RABGAP1L: variants seen among roughly 807,000 people sequenced by gnomAD.
RABGAP1L encodes the protein RAB GTPase activating protein 1 like.
In RABGAP1L, 63 loss-of-function variants were observed where a neutral mutation model predicts 137.7. That is an observed-to-expected ratio of 0.46 (90% CI 0.37 to 0.56). The LOEUF (loss-of-function observed/expected upper bound fraction) is 0.56, where lower values mean the gene tolerates loss of function less well. Ranked by LOEUF, RABGAP1L falls within the 20% of genes least tolerant of loss-of-function variation. RABGAP1L has a pLI of 0.00. For missense variants in RABGAP1L, 1,095 were observed against 1,244.0 expected, an observed-to-expected ratio of 0.88 and a Z score of 1.80; for synonymous variants, 431 against 433.7, an observed-to-expected ratio of 0.99 and a Z score of 0.08.
At chr1:174,604,843 C>T (rs542193854) in intron 13 of RABGAP1L, among the ~76,000 whole-genome samples, 3 of 152,224 alleles carry the variant, frequency 2.0e-5, no homozygotes, top group African/African-American at 7.2e-5. Flanking sequence ...AATGTTTCAT[C>T]AAAACTCTTG....
chr1:174,696,370 C>T (rs1679261538), intron 15 of RABGAP1L, among the ~76,000 whole-genome samples: 2 of 152,022 alleles, frequency 1.3e-5, no homozygotes, highest in African/African-American at 4.8e-5. Flanking sequence ...AGTATAGCCA[C>T]TCTTACTTTT....
intron 19 of RABGAP1L, among the ~76,000 whole-genome samples, chr1:174,944,286 A>AAAAAAAAAAAAAAAAAAAAAAAG: frequency 6.6e-6 from 1 of 151,152 alleles, no homozygotes; most frequent in Non-Finnish European, 1.5e-5. Flanking sequence ...AAAAAAAAAA[A>AAAAAAAAAAAAAAAAAAAAAAAG]AAAAAAAAAG....
At chr1:174,842,462 G>A (rs1573455790) in intron 19 of RABGAP1L, among the ~76,000 whole-genome samples, 1 of 152,162 alleles carries the variant, frequency 6.6e-6, no homozygotes, top group East Asian at 1.9e-4. Flanking sequence ...CTCCCCAGGA[G>A]CCTGTTTCTC....
chr1:174,745,191 C>A (rs998648390), intron 17 of RABGAP1L, among the ~76,000 whole-genome samples: 7 of 152,136 alleles, frequency 4.6e-5, no homozygotes, highest in African/African-American at 1.7e-4. Context: ...GTTCTCCAGG[C>A]CTTCTTTTGA....
intron 19 of RABGAP1L, among the ~76,000 whole-genome samples, chr1:174,839,284 C>A (rs1034583959): frequency 4.6e-5 from 7 of 152,140 alleles, no homozygotes; most frequent in Admixed American, 4.6e-4. Context: ...ACCTTTGTTC[C>A]TTATTTTCAT....
chr1:174,496,781 C>G (rs1055381972), intron 13 of RABGAP1L, among the ~76,000 whole-genome samples: 1 of 152,076 alleles, frequency 6.6e-6, no homozygotes, highest in African/African-American at 2.4e-5. Flanking sequence ...TAGAGAGATT[C>G]CTTAAAGAAG....
intron 13 of RABGAP1L, among the ~76,000 whole-genome samples, chr1:174,530,790 TATACATACATACATACATAC>T (rs79486666): frequency 2.7e-5 from 4 of 146,424 alleles, no homozygotes; most frequent in Non-Finnish European, 6.0e-5. Flanking sequence ...CCAAGATTTT[TATACATACATACATACATAC>T]ATACATACAT....
At chr1:174,291,506 C>T (rs1676602604) in intron 10 of RABGAP1L, among the ~76,000 whole-genome samples, 1 of 152,026 alleles carries the variant, frequency 6.6e-6, no homozygotes, top group African/African-American at 2.4e-5. Context: ...CCTATATTTG[C>T]TGGGAGAATT....
intron 13 of RABGAP1L, among the ~76,000 whole-genome samples, chr1:174,435,653 CT>C (rs201387438): frequency 5.9e-5 from 9 of 151,682 alleles, no homozygotes; most frequent in African/African-American, 7.3e-5. Flanking sequence ...GATCTTAACT[CT>C]TTTTTTTATT....
At chr1:174,932,070 G>A (rs1663927015) in intron 19 of RABGAP1L, among the ~76,000 whole-genome samples, 1 of 134,440 alleles carries the variant, frequency 7.4e-6, no homozygotes, top group East Asian at 2.2e-4. Context: ...TATACCTTGA[G>A]CTCTGAATGA....
At chr1:174,396,130 A>G (rs571300987) in intron 13 of RABGAP1L, among the ~76,000 whole-genome samples, 117 of 152,256 alleles carry the variant, frequency 7.7e-4, no homozygotes, top group Admixed American at 1.7e-3. Context: ...ACCTATAGAG[A>G]CAGAAAGTAG....
chr1:174,807,755 G>A (rs1689453177), intron 18 of RABGAP1L, among the ~76,000 whole-genome samples: 1 of 152,016 alleles, frequency 6.6e-6, no homozygotes, highest in Non-Finnish European at 1.5e-5. Flanking sequence ...CAGCCCATAA[G>A]AAAAATATAA....
At chr1:174,931,206 A>G (rs1043973909) in intron 19 of RABGAP1L, among the ~76,000 whole-genome samples, 2 of 152,180 alleles carry the variant, frequency 1.3e-5, no homozygotes, top group African/African-American at 4.8e-5. Context: ...TATATGATGA[A>G]TATTTCCCAT....
At chr1:174,553,455 G>T (rs1466934117) in intron 13 of RABGAP1L, among the ~76,000 whole-genome samples, 1 of 152,142 alleles carries the variant, frequency 6.6e-6, no homozygotes, top group African/African-American at 2.4e-5. Context: ...TGGCTAGCCA[G>T]TTATCCCAGC....
intron 19 of RABGAP1L, among the ~76,000 whole-genome samples, chr1:174,827,678 A>T (rs76572643): frequency 4.2e-5 from 6 of 143,646 alleles, no homozygotes; most frequent in African/African-American, 1.0e-4. Context: ...AAAAGATCCT[A>T]TTTTTTTTTA....
intron 13 of RABGAP1L, among the ~76,000 whole-genome samples, chr1:174,615,292 C>G (rs1236098516): frequency 3.3e-5 from 5 of 152,200 alleles, no homozygotes; most frequent in Non-Finnish European, 2.9e-5. Context: ...TTCCTTCTAA[C>G]AGACAGGACC....
At chr1:174,736,066 A>T (rs1191768361) in intron 17 of RABGAP1L, among the ~76,000 whole-genome samples, 1 of 152,156 alleles carries the variant, frequency 6.6e-6, no homozygotes, top group Admixed American at 6.5e-5. Context: ...TCACACTGTA[A>T]AATCCAACCG....
chr1:174,318,429 G>A (rs1205539723), intron 11 of RABGAP1L, among the ~76,000 whole-genome samples: 3 of 152,030 alleles, frequency 2.0e-5, no homozygotes, highest in Non-Finnish European at 4.4e-5. Context: ...CTCTTGTAGG[G>A]AGCTATAATT....
intron 19 of RABGAP1L, among the ~76,000 whole-genome samples, chr1:174,862,519 A>C (rs551952064): frequency 1.3e-5 from 2 of 152,262 alleles, no homozygotes; most frequent in South Asian, 4.1e-4. Context: ...TGTTTTGATA[A>C]AATTAAAATA....
Sources: gnomAD v4.1 joint callset for allele counts (sites outside exome capture counted in the v4.1 genomes callset) on GRCh38, gnomAD v4.1.1 for gene constraint, MANE v1.5 for transcripts, NCBI Gene and HGNC (gene_info 2026-07-23, HGNC 2026-07-21) for gene names.